Variants in BBS9 observed in about 807,000 individuals in gnomAD.
BBS9 encodes the protein protein PTHB1.
BBS9 carries 89 observed loss-of-function variants against 117.7 expected under a neutral mutation model. The ratio of observed to expected loss-of-function variants is 0.76; its 90% CI spans 0.64 to 0.90. The LOEUF is 0.90. Ranked by LOEUF, BBS9 falls within the 40% of genes least tolerant of loss-of-function variation. The pLI, the probability that BBS9 is intolerant of heterozygous loss-of-function variation, is 0.00. For synonymous variants in BBS9, 379 were observed against 370.9 expected, an observed-to-expected ratio of 1.02 and a Z score of -0.25; for missense variants, 982 against 1,042.2, an observed-to-expected ratio of 0.94 and a Z score of 0.80.
intron 21 of BBS9, among the ~76,000 whole-genome samples, chr7:33,537,714 C>G (rs371837119): frequency 1.2e-4 from 18 of 152,118 alleles, no homozygotes; most frequent in East Asian, 5.8e-4. Flanking sequence ...CTGCAGCTGC[C>G]TAGGACTAAA....
intron 9 of BBS9, among the ~76,000 whole-genome samples, chr7:33,324,714 C>T (rs777475253): frequency 6.6e-6 from 1 of 151,624 alleles, no homozygotes; most frequent in Non-Finnish European, 1.5e-5. Flanking sequence ...TTTATTTCTC[C>T]TTCACGTTTG....
intron 19 of BBS9, among the ~76,000 whole-genome samples, chr7:33,504,235 G>A (rs76396494): frequency 9.8e-4 from 149 of 152,226 alleles, no homozygotes; most frequent in Non-Finnish European, 1.7e-3. Flanking sequence ...AATTGTCATT[G>A]CCTTTTATAA....
intron 5 of BBS9, among the ~76,000 whole-genome samples, chr7:33,225,688 G>A (rs1791118261): frequency 6.9e-6 from 1 of 145,022 alleles, no homozygotes; most frequent in Non-Finnish European, 1.5e-5. Flanking sequence ...ACTTCTTTAA[G>A]GAGCTTGGTT....
At chr7:33,363,284 G>A (rs1391416678) in intron 16 of BBS9, among the ~76,000 whole-genome samples, 1 of 152,028 alleles carries the variant, frequency 6.6e-6, no homozygotes, top group Non-Finnish European at 1.5e-5. Context: ...TGTATTTTTA[G>A]TAGAGATGGA....
intron 18 of BBS9, among the ~76,000 whole-genome samples, chr7:33,386,346 T>A (rs1339037535): frequency 1.3e-5 from 2 of 152,064 alleles, no homozygotes; most frequent in Non-Finnish European, 2.9e-5. Context: ...TTGAATATGA[T>A]GTTTATTTCA....
chr7:33,622,928 T>C (rs1456536879), intron 21 of BBS9, among the ~76,000 whole-genome samples: 1 of 152,194 alleles, frequency 6.6e-6, no homozygotes, highest in African/African-American at 2.4e-5. Context: ...TTTGGTTGGA[T>C]TAAATACTTA....
chr7:33,366,690 G>T (rs185142134), intron 16 of BBS9, among the ~76,000 whole-genome samples: 1 of 151,628 alleles, frequency 6.6e-6, no homozygotes, highest in South Asian at 2.1e-4. Context: ...GACTACAGGC[G>T]CATGCCACCA....
At chr7:33,444,488 C>T (rs979262110) in intron 19 of BBS9, among the ~76,000 whole-genome samples, 1 of 152,156 alleles carries the variant, frequency 6.6e-6, no homozygotes, top group Non-Finnish European at 1.5e-5. Context: ...TTGTTGTGTA[C>T]TGCTAAGGAC....
intron 1 of BBS9, among the ~76,000 whole-genome samples, chr7:33,145,334 C>A (rs537387432): frequency 6.6e-6 from 1 of 152,188 alleles, no homozygotes; most frequent in South Asian, 2.1e-4. Flanking sequence ...TTCAAAAGGT[C>A]CAAGTGCTTT....
intron 19 of BBS9, among the ~76,000 whole-genome samples, chr7:33,495,767 A>G (rs1337573912): frequency 1.3e-5 from 2 of 152,208 alleles, no homozygotes; most frequent in Admixed American, 1.3e-4. Context: ...TTTTAACTTT[A>G]TATTAGCCAA....
At chr7:33,240,824 G>T (rs537952886) in intron 5 of BBS9, among the ~76,000 whole-genome samples, 4 of 152,014 alleles carry the variant, frequency 2.6e-5, no homozygotes, top group Non-Finnish European at 5.9e-5. Flanking sequence ...TTTTTGGTTG[G>T]TTAGATCTTC....
At chr7:33,569,018 A>G (rs955525004) in intron 21 of BBS9, among the ~76,000 whole-genome samples, 5 of 152,160 alleles carry the variant, frequency 3.3e-5, no homozygotes, top group African/African-American at 1.2e-4. Flanking sequence ...AGTGTTTTGC[A>G]TACTCCCTCT....
chr7:33,434,453 T>C lies in BBS9; in HGVS notation c.2115+46309T>C, dbSNP rs1835004843. ...TAGCCTTCTAGTGCTAAAAGCCACC[T>C]GACATTTTGGTGGGCTATCTTTTCT... On this transcript the variant is annotated intron_variant, in intron 19 of 22. Coordinates refer to ENST00000242067, the MANE Select transcript of BBS9 (RefSeq NM_198428.3). Among the ~76,000 whole-genome samples, 4 of 152,266 alleles carry C rather than the reference T, an allele frequency of 2.6e-5. No individual in the cohort carries two copies. In the South Asian group the frequency reaches 8.3e-4, roughly 32 times the overall value.
intron 5 of BBS9, among the ~76,000 whole-genome samples, chr7:33,179,641 G>A (rs758287133): frequency 6.6e-6 from 1 of 152,036 alleles, no homozygotes; most frequent in Non-Finnish European, 1.5e-5. Flanking sequence ...ACACTGTGTC[G>A]AGTTGTGTAA....
intron 19 of BBS9, among the ~76,000 whole-genome samples, chr7:33,429,198 C>T (rs1834070599): frequency 6.6e-6 from 1 of 151,844 alleles, no homozygotes; most frequent in African/African-American, 2.4e-5. Context: ...AAAAAGGCCA[C>T]CTCTATTTGT....
rs762610167 is a variant in BBS9 at position 33,384,698 on chromosome 7, C to CTG, written c.1962+877_1962+878dup. 6.1e-3 allele frequency among the ~76,000 whole-genome samples: 887 copies of CTG among 144,652 alleles called. 10 individuals are homozygous for CTG. The highest frequency in any genetic ancestry group is 0.019 in the African/African-American group (729 of 38,052). 94.9% of individuals were successfully genotyped at this position (144,652 alleles called of 152,430 possible). A position where few individuals can be genotyped will look rare whatever the true frequency, so the allele number is the denominator to read the frequency against. On this transcript the variant is annotated intron_variant, in intron 18 of 22. Coordinates refer to ENST00000242067, the MANE Select transcript of BBS9 (RefSeq NM_198428.3). ...AGTTTAGGAGTGTGTGTGCATGTGT[C>CTG]TGTGTGTGTGTGTGTGTGAGAGAGA...
intron 5 of BBS9, among the ~76,000 whole-genome samples, chr7:33,180,134 T>C (rs1797888208): frequency 6.6e-6 from 1 of 151,926 alleles, no homozygotes; most frequent in Non-Finnish European, 1.5e-5. Context: ...CCTGCCAAAC[T>C]GCTCACCCCG....
intron 5 of BBS9, among the ~76,000 whole-genome samples, chr7:33,208,457 C>T (rs945143773): frequency 2.6e-5 from 4 of 152,192 alleles, no homozygotes; most frequent in Admixed American, 2.6e-4. Flanking sequence ...TAGATCCAAC[C>T]CATGTTGAGA....
At chr7:33,465,739 A>G (rs1217172350) in intron 19 of BBS9, among the ~76,000 whole-genome samples, 1 of 152,156 alleles carries the variant, frequency 6.6e-6, no homozygotes, top group Non-Finnish European at 1.5e-5. Flanking sequence ...GTTAATACAT[A>G]TGGATACATG....
Sources: allele counts gnomAD v4.1 joint callset (sites outside exome capture counted in the v4.1 genomes callset), GRCh38; gene constraint gnomAD v4.1.1; transcripts MANE v1.5; gene names NCBI Gene and HGNC (gene_info 2026-07-23, HGNC 2026-07-21).